ZIK1: variants seen among roughly 807,000 people sequenced by gnomAD.
ZIK1 encodes zinc finger protein interacting with K protein 1.
ZIK1 carries 12 observed loss-of-function variants against 10.7 expected under a neutral mutation model. The observed-to-expected ratio is 1.12, with a 90% CI of 0.72 to 1.81. The LOEUF (loss-of-function observed/expected upper bound fraction) is 1.81, where lower values mean the gene tolerates loss of function less well. Among genes scored for constraint, ZIK1 ranks in the 40% most tolerant of loss-of-function variants. The pLI is 0.00. For missense variants in ZIK1, 497 were observed against 585.7 expected (o/e 0.85, Z 1.56); for synonymous variants, 190 against 205.0 (o/e 0.93, Z 0.63).
At chr19:57,585,143 A>G (rs531970775) in intron 2 of ZIK1, among the ~76,000 whole-genome samples, 153 bp downstream of exon 2, 35 of 152,178 alleles carry the variant, frequency 2.3e-4, no homozygotes, top group Non-Finnish European at 4.3e-4. Flanking sequence ...TTATTTGTAG[A>G]CGTTCTTATT....
intron 2 of ZIK1, among the ~76,000 whole-genome samples, chr19:57,587,117 T>TGA: frequency 6.6e-6 from 1 of 152,184 alleles, no homozygotes; most frequent in Non-Finnish European, 1.5e-5. Context: ...TGAGACTTAT[T>TGA]TACTATCATG....
At position 57,590,184 on chromosome 19, in the gene ZIK1, T is replaced by C; in HGVS notation, c.373T>C (p.Leu125=). Residue 125 remains leucine, a synonymous_variant, in exon 4 of 4, where the codon TTG becomes CTG. Coordinates refer to ENST00000597850, the MANE Select transcript of ZIK1 (RefSeq NM_001010879.4). ...LADLPGQKPY[L]VGECTNHHQH... ...TGATCTCCCTGGGCAGAAACCATAC[T>C]TGGTTGGAGAATGTACAAACCATCA... 6.2e-7 allele frequency: 1 copy of C among 1,614,198 alleles called. No homozygotes were observed. Among genetic ancestry groups the C allele is most frequent in the Non-Finnish European group, 8.5e-7 (1 of 1,180,042 alleles).
intron 3 of ZIK1, chr19:57,589,275 G>A (rs1979443432): frequency 1.0e-6 from 1 of 985,196 alleles, no homozygotes; most frequent in Admixed American, 6.1e-5. Context: ...GAGAAGGCCT[G>A]GGCTTGTTGA....
In ZIK1 at chr19:57,588,670, G is replaced by A. The variant is rs1039360212; in HGVS notation, c.199+5G>A. The A allele has an allele frequency of 1.3e-6, 2 of 1,543,496 alleles. No individual in the cohort carries two copies. The highest frequency in any genetic ancestry group is 1.4e-5 in the African/African-American group (1 of 72,938). On this transcript the variant is annotated splice_donor_5th_base_variant and intron_variant, in intron 3 of 3. Transcript: ENST00000597850. ...TTGCCCTTGTAGCCTCACTGGGTAA[G>A]GCCCTAATACCAACTCCAGTGTCCT...
Position 57,588,656 on chromosome 19 carries a change from G to T in ZIK1, c.190G>T (p.Ala64Ser). 1 of 1,564,642 alleles carries T rather than the reference G, an allele frequency of 6.4e-7. No homozygotes were observed. The highest frequency in any genetic ancestry group is 8.7e-7 in the Non-Finnish European group (1 of 1,151,958). Residue 64 changes from alanine (A) to serine (S), a missense_variant, in exon 3 of 4, where the codon GCC becomes TCC. By Grantham distance (99) the Ala-to-Ser change is moderately conservative. Coordinates refer to ENST00000597850, the MANE Select transcript of ZIK1 (RefSeq NM_001010879.4). The stretch of plus-strand genomic sequence containing the variant: ...GATGCTGGAGAACTTTGCCCTTGTA[G>T]CCTCACTGGGTAAGGCCCTAATACC... ...EVMLENFALV[A>S]SLGCGHGTED...
intron 2 of ZIK1, among the ~76,000 whole-genome samples, chr19:57,586,069 T>A (rs1267837978): frequency 6.6e-6 from 1 of 152,070 alleles, no homozygotes; most frequent in Non-Finnish European, 1.5e-5. Context: ...AGTTTTGTCT[T>A]TAGCTATTAT....
intron 3 of ZIK1, chr19:57,589,260 T>C: frequency 2.0e-6 from 2 of 985,098 alleles, no homozygotes; most frequent in African/African-American, 3.5e-5. Context: ...GTGAACATGG[T>C]CTCAGAGAAG....
At chr19:57,584,532 G>A (rs557720358) in intron 1 of ZIK1, 143 bp downstream of exon 1, 1 of 1,427,092 alleles carries the variant, frequency 7.0e-7, no homozygotes, top group Non-Finnish European at 9.2e-7. Context: ...ATGGGGCACG[G>A]AAGAGGGTTA....
intron 2 of ZIK1, 24 bp from the exon 3 acceptor site, chr19:57,588,515 A>C: frequency 7.0e-7 from 1 of 1,423,694 alleles, no homozygotes; most frequent in East Asian, 2.6e-5. Flanking sequence ...TTGATTGTGG[A>C]GTGACCTGTC....
At chr19:57,584,569 C>T in intron 1 of ZIK1, 180 bp downstream of exon 1, 1 of 1,406,984 alleles carries the variant, frequency 7.1e-7, no homozygotes. Context: ...CGTTTCTAAA[C>T]TCTTGGAGAC....
Position 57,591,606 on chromosome 19 carries a change from T to G in ZIK1, c.*331T>G. 1 of 267,736 alleles carries G rather than the reference T, an allele frequency of 3.7e-6. No homozygotes were observed. 16.6% of individuals were successfully genotyped at this position (267,736 alleles called of 1,614,324 possible). ...AGCAGTCTAAGCCTTTAGAGAAAATTCATTCTTTTTTCTGACTGATCACAG... is the reference window on the plus strand; with the variant it reads ...AGCAGTCTAAGCCTTTAGAGAAAATGCATTCTTTTTTCTGACTGATCACAG... On this transcript the variant is annotated 3_prime_UTR_variant, in exon 4 of 4. Transcript: ENST00000597850.
chr19:57,590,868 TGTG>T lies in ZIK1; in HGVS notation c.1061_1063del (p.Gly354del). The T allele has an allele frequency of 1.2e-6, 2 of 1,613,214 alleles. No homozygotes were observed. Among genetic ancestry groups the T allele is most frequent in the Non-Finnish European group, 1.7e-6 (2 of 1,179,564 alleles). ...TCACACTGGAGAAAGGCCTTATAAG[TGTG>T]GTGAATGTGGGAATTCCTTTAGTCA... On this transcript the variant is annotated inframe_deletion, in exon 4 of 4. Transcript: ENST00000597850.
At chr19:57,587,697 GACTAAAAC>G (rs1401804831) in intron 2 of ZIK1, among the ~76,000 whole-genome samples, 2 of 152,172 alleles carry the variant, frequency 1.3e-5, no homozygotes, top group African/African-American at 4.8e-5. Context: ...AGGCCAAACT[GACTAAAAC>G]ACTAGGACTA....
chr19:57,589,229 G>A (rs1001909698), intron 3 of ZIK1: 1 of 984,366 alleles, frequency 1.0e-6, no homozygotes, highest in African/African-American at 1.7e-5. Context: ...GGTGTGCAGA[G>A]AAACCTGGTT....
chr19:57,584,823 G>A (rs1348753208), intron 1 of ZIK1, 129 bp from the exon 2 acceptor site: 3 of 1,182,908 alleles, frequency 2.5e-6, no homozygotes, highest in East Asian at 2.5e-5. Flanking sequence ...GGACTGGAAC[G>A]CTGAGGCTCA....
At position 57,590,918 on chromosome 19, in the gene ZIK1, C is replaced by T; in HGVS notation, c.1107C>T (p.His369=). The change falls in exon 4 of 4, where the codon CAC becomes CAT. Residue 369 remains histidine, a synonymous_variant. Transcript: ENST00000597850. ...GTCAAAGTGCCATTCTTAATCAACA[C>T]CGAAGAATTCACACTGGAGCAAAGC... The part of the protein sequence containing the change: ...SFSQSAILNQ[H]RRIHTGAKPY... 1.9e-6 allele frequency: 3 copies of T among 1,613,518 alleles called. No homozygotes were observed. Among genetic ancestry groups the T allele is most frequent in the Non-Finnish European group, 2.5e-6 (3 of 1,179,680 alleles).
chr19:57,585,114 C>T (rs1979023435), intron 2 of ZIK1, 124 bp downstream of exon 2: 2 of 839,294 alleles, frequency 2.4e-6, no homozygotes, highest in South Asian at 4.1e-5. Flanking sequence ...AGCTTGACAT[C>T]CTGATTCTAG....
At position 57,590,710 on chromosome 19, in the gene ZIK1, G is replaced by A; in HGVS notation, c.899G>A (p.Cys300Tyr). Residue 300 changes from cysteine to tyrosine, a missense_variant, in exon 4 of 4, where the codon TGT becomes TAT. Coordinates refer to ENST00000597850, the MANE Select transcript of ZIK1 (RefSeq NM_001010879.4). ...TGERPYECSE[C>Y]GKLFRQNSSL... The stretch of plus-strand genomic sequence containing the variant: ...GAAAGGCCTTATGAGTGCAGCGAAT[G>A]TGGAAAATTATTTAGACAAAACTCC... 6.2e-7 allele frequency: 1 copy of A among 1,614,208 alleles called. No homozygotes were observed. Among genetic ancestry groups the A allele is most frequent in the Non-Finnish European group, 8.5e-7 (1 of 1,180,038 alleles).
intron 3 of ZIK1, chr19:57,589,514 C>G: frequency 1.0e-6 from 1 of 985,390 alleles, no homozygotes; most frequent in Non-Finnish European, 1.2e-6. Context: ...CTGCACTGCT[C>G]CCTCTGCAAT....
Sources: gnomAD v4.1 joint callset for allele counts (sites outside exome capture counted in the v4.1 genomes callset) on GRCh38, gnomAD v4.1.1 for gene constraint, MANE v1.5 for transcripts, NCBI Gene and HGNC (gene_info 2026-07-23, HGNC 2026-07-21) for gene names.